Variants in GPM6A observed in about 807,000 individuals in gnomAD.
GPM6A encodes the protein glycoprotein M6A.
A neutral mutation model predicts 32.1 loss-of-function variants in GPM6A; 7 were observed. The ratio of observed to expected loss-of-function variants is 0.22; its 90% CI spans 0.12 to 0.41. The LOEUF is 0.41. Among genes scored for constraint, GPM6A ranks in the 10% least tolerant of loss-of-function variants. The pLI, the probability that GPM6A is intolerant of heterozygous loss-of-function variation, is 1.00. For missense variants in GPM6A, 235 were observed against 347.2 expected (o/e 0.68, Z 2.57); for synonymous variants, 130 against 123.4 (o/e 1.05, Z -0.35).
At chr4:175,778,133 C>T (rs989423332) in intron 1 of GPM6A, among the ~76,000 whole-genome samples, 1 of 152,106 alleles carries the variant, frequency 6.6e-6, no homozygotes, top group African/African-American at 2.4e-5. Context: ...ACTTGAAGAC[C>T]ACTAGGTTGG....
chr4:175,913,422 T>TG (rs751901172), intron 1 of GPM6A, among the ~76,000 whole-genome samples: 3 of 152,338 alleles, frequency 2.0e-5, no homozygotes, highest in Non-Finnish European at 4.4e-5. Context: ...TTTCCCAAAG[T>TG]AGTAGCTGGT....
intron 1 of GPM6A, among the ~76,000 whole-genome samples, chr4:175,850,537 T>C (rs890501987): frequency 6.1e-4 from 92 of 151,990 alleles, no homozygotes; most frequent in African/African-American, 1.9e-3. Flanking sequence ...TAATACACCA[T>C]GTGGGAAGAA....
intron 1 of GPM6A, among the ~76,000 whole-genome samples, chr4:175,745,155 T>G (rs1426772756): frequency 6.6e-6 from 1 of 152,178 alleles, no homozygotes. Flanking sequence ...TACCAGATTT[T>G]TTTACAGCAT....
intron 1 of GPM6A, among the ~76,000 whole-genome samples, chr4:175,706,622 G>T (rs967510054): frequency 9.9e-5 from 15 of 152,160 alleles, no homozygotes; most frequent in African/African-American, 2.4e-5. Flanking sequence ...AGAGGTATAG[G>T]TCTGTTTGAG....
chr4:175,849,150 G>A (rs985435448), intron 1 of GPM6A, among the ~76,000 whole-genome samples: 1 of 152,110 alleles, frequency 6.6e-6, no homozygotes, highest in African/African-American at 2.4e-5. Context: ...CTATCCAAAG[G>A]TAAGTACAGT....
At chr4:175,659,155 T>C (rs1742256724) in intron 3 of GPM6A, among the ~76,000 whole-genome samples, 2 of 151,790 alleles carry the variant, frequency 1.3e-5, no homozygotes, top group South Asian at 4.2e-4. Context: ...TGATCTCGGC[T>C]CACTGCAACC....
chr4:175,647,966 T>C lies in GPM6A; in HGVS notation c.541+3868A>G, dbSNP rs964496331. Among the ~76,000 whole-genome samples, 7 of 152,166 alleles carry C rather than the reference T, an allele frequency of 4.6e-5. No homozygotes were observed. The East Asian group carries it at 7.7e-4, about 17-fold the overall frequency. On this transcript the variant is annotated intron_variant, in intron 4 of 6. Transcript: ENST00000393658. ...TGCATGACATCTAAAAAGTGCCTTCTCTTTCTTTCAAATCCATAAAAGAAA... is the reference window on the plus strand; with the variant it reads ...TGCATGACATCTAAAAAGTGCCTTCCCTTTCTTTCAAATCCATAAAAGAAA...
At chr4:175,931,093 A>G (rs1038294761) in intron 1 of GPM6A, among the ~76,000 whole-genome samples, 5 of 152,170 alleles carry the variant, frequency 3.3e-5, no homozygotes, top group Non-Finnish European at 7.4e-5. Flanking sequence ...TATTACTGTC[A>G]TCAACATCAT....
At chr4:175,939,893 C>A (rs867074521) in intron 1 of GPM6A, among the ~76,000 whole-genome samples, 2 of 151,570 alleles carry the variant, frequency 1.3e-5, no homozygotes, top group African/African-American at 4.8e-5. Flanking sequence ...ATAAGTTTTT[C>A]CATAAGCACA....
intron 1 of GPM6A, among the ~76,000 whole-genome samples, chr4:175,961,665 T>C (rs770120725): frequency 1.4e-4 from 21 of 152,164 alleles, no homozygotes; most frequent in Non-Finnish European, 2.5e-4. Context: ...ACAGAGAAGA[T>C]CAGAGAAAAA....
At chr4:175,700,027 TA>T (rs1209210267) in intron 2 of GPM6A, among the ~76,000 whole-genome samples, 6 of 151,846 alleles carry the variant, frequency 4.0e-5, no homozygotes, top group Admixed American at 3.9e-4. Flanking sequence ...CATGCCCAGG[TA>T]ATTTTTGCAT....
intron 1 of GPM6A, among the ~76,000 whole-genome samples, chr4:175,966,570 C>T (rs1262297089): frequency 1.3e-5 from 2 of 151,570 alleles, no homozygotes; most frequent in Non-Finnish European, 2.9e-5. Context: ...GCCCTTATAA[C>T]AAGAGGTCAG....
intron 1 of GPM6A, among the ~76,000 whole-genome samples, chr4:175,943,745 G>T (rs896398214): frequency 6.6e-6 from 1 of 152,134 alleles, no homozygotes; most frequent in African/African-American, 2.4e-5. Context: ...TGATTGTGGT[G>T]GATAAGCTTT....
In GPM6A at chr4:175,701,509, A is replaced by G. The variant is rs1744878447; in HGVS notation, c.230+66T>C. ...CACCTCATCTAACTGTAGGCCCCTA[A>G]TCATTTAACACATAGAAGTGTAAAT... On this transcript the variant is annotated intron_variant, in intron 2 of 6. Coordinates refer to ENST00000393658, the MANE Select transcript of GPM6A (RefSeq NM_201591.3). 8 of 1,151,392 alleles carry G rather than the reference A, an allele frequency of 6.9e-6. No individual in the cohort carries two copies. In the East Asian group the frequency reaches 1.6e-4, roughly 24 times the overall value. The allele number at this position is 1,151,392 out of a possible 1,614,324, so 71.3% of individuals were successfully genotyped here.
chr4:175,716,639 C>G (rs367706493), intron 1 of GPM6A, among the ~76,000 whole-genome samples: 3 of 152,078 alleles, frequency 2.0e-5, no homozygotes, highest in East Asian at 3.8e-4. Flanking sequence ...AATAAAAACA[C>G]AAACACACAA....
rs570556304 is a variant in GPM6A, at chr4:175,864,405, C to G, written c.-22-52156G>C. Among the ~76,000 whole-genome samples, 3 of 151,838 alleles carry G rather than the reference C, an allele frequency of 2.0e-5. No individual in the cohort carries two copies. The South Asian group carries it at 6.2e-4, about 31-fold the overall frequency. On this transcript the variant is annotated intron_variant, in intron 1 of 7. Transcript: ENST00000280187. ...CTAGCCTCAAACTCCTGGACTCAAG[C>G]AGTCTGCCCACATTTGCCTCCAACT... is the stretch of plus-strand genomic sequence containing the variant.
At chr4:175,684,515 T>TA (rs1208243575) in intron 2 of GPM6A, among the ~76,000 whole-genome samples, 2 of 152,188 alleles carry the variant, frequency 1.3e-5, no homozygotes, top group Non-Finnish European at 2.9e-5. Context: ...TCAAATTAGA[T>TA]AAAATCAGAT....
At chr4:175,835,278 T>A (rs1264863290) in intron 1 of GPM6A, among the ~76,000 whole-genome samples, 3 of 152,138 alleles carry the variant, frequency 2.0e-5, no homozygotes, top group Non-Finnish European at 4.4e-5. Context: ...ATAGTGGAAA[T>A]TGACTTGCTT....
chr4:175,634,735 G>T lies in GPM6A; in HGVS notation c.*170C>A. The T allele has an allele frequency of 2.0e-6, 1 of 512,758 alleles. No homozygotes were observed. Among genetic ancestry groups the T allele is most frequent in the Non-Finnish European group, 3.4e-6 (1 of 293,458 alleles). The allele number at this position is 512,758 out of a possible 1,614,324, so 31.8% of individuals were successfully genotyped here. On this transcript the variant is annotated 3_prime_UTR_variant, in exon 7 of 7. Coordinates refer to ENST00000393658, the MANE Select transcript of GPM6A (RefSeq NM_201591.3). Reference sequence around the variant, plus strand: ...CTGATTTACATCAATTTAATAAATTGGGAAATTTAAGTGCTAAACAACAAA... The same window carrying T: ...CTGATTTACATCAATTTAATAAATTTGGAAATTTAAGTGCTAAACAACAAA...
Sources: gnomAD v4.1 joint callset for allele counts (sites outside exome capture counted in the v4.1 genomes callset) on GRCh38, gnomAD v4.1.1 for gene constraint, MANE v1.5 for transcripts, NCBI Gene and HGNC (gene_info 2026-07-23, HGNC 2026-07-21) for gene names.